PTPRZ1: variants seen among roughly 807,000 people sequenced by gnomAD.
PTPRZ1 encodes the protein receptor-type tyrosine-protein phosphatase zeta.
In PTPRZ1, 82 loss-of-function variants were observed where a neutral mutation model predicts 214.1. The observed-to-expected ratio is 0.38, with a 90% CI of 0.32 to 0.46. PTPRZ1 has a LOEUF of 0.46. Ranked by LOEUF, PTPRZ1 falls within the 20% of genes least tolerant of loss-of-function variation. The probability of loss-of-function intolerance (pLI) is 1.00; values close to 1 mark genes in which losing one functional copy is unlikely to be tolerated. For synonymous variants in PTPRZ1, 945 were observed against 987.9 expected (o/e 0.96, Z 0.81); for missense variants, 2,603 against 2,748.7 (o/e 0.95, Z 1.19).
intron 3 of PTPRZ1, among the ~76,000 whole-genome samples, chr7:121,970,984 G>A (rs932019393): frequency 3.9e-5 from 6 of 152,090 alleles, no homozygotes; most frequent in Non-Finnish European, 7.4e-5. Flanking sequence ...TTTGTATAAG[G>A]TGTAAGGAAG....
At chr7:121,952,298 A>G (rs1796575267) in intron 2 of PTPRZ1, among the ~76,000 whole-genome samples, 1 of 151,926 alleles carries the variant, frequency 6.6e-6, no homozygotes, top group African/African-American at 2.4e-5. Context: ...TTTTTAGCAT[A>G]ATAAAGACTT....
At chr7:121,880,056 G>A (rs533198890) in intron 1 of PTPRZ1, among the ~76,000 whole-genome samples, 1 of 152,110 alleles carries the variant, frequency 6.6e-6, no homozygotes, top group Admixed American at 6.5e-5. Context: ...ATATCATTTG[G>A]GGGTCTTTGT....
At chr7:122,059,302 T>G (rs749850972) in intron 28 of PTPRZ1, 2 of 167,974 alleles carry the variant, frequency 1.2e-5, no homozygotes, top group African/African-American at 2.4e-5. Context: ...ATGATTTTTA[T>G]TTTTCAGGAA....
chr7:121,879,722 T>C (rs190402560), intron 1 of PTPRZ1, among the ~76,000 whole-genome samples: 2 of 152,070 alleles, frequency 1.3e-5, no homozygotes, highest in African/African-American at 2.4e-5. Flanking sequence ...AAGGAGATGA[T>C]CTTTTGTTAG....
rs891128023 is a variant in PTPRZ1, at chr7:121,950,088, T to G, written c.125-17863T>G. 2.6e-5 allele frequency among the ~76,000 whole-genome samples: 4 copies of G among 152,154 alleles called. No individual in the cohort carries two copies. The East Asian group carries it at 7.7e-4, about 29-fold the overall frequency. Reference sequence around the variant, plus strand: ...CCACATGGCTGGGGAAGCCTCACAATTATGGCGGAAGGCAAGGATGACCAA... The same window carrying G: ...CCACATGGCTGGGGAAGCCTCACAAGTATGGCGGAAGGCAAGGATGACCAA... On this transcript the variant is annotated intron_variant, in intron 2 of 29. Coordinates refer to ENST00000393386, the MANE Select transcript of PTPRZ1 (RefSeq NM_002851.3).
chr7:121,921,988 G>C (rs1477600084), intron 1 of PTPRZ1, among the ~76,000 whole-genome samples: 2 of 152,174 alleles, frequency 1.3e-5, no homozygotes, highest in African/African-American at 4.8e-5. Flanking sequence ...TAGGCTGTAT[G>C]ATAATTTAAC....
intron 2 of PTPRZ1, among the ~76,000 whole-genome samples, chr7:121,939,696 A>C (rs1217086845): frequency 1.3e-5 from 2 of 152,236 alleles, no homozygotes; most frequent in African/African-American, 4.8e-5. Context: ...GGATATTATT[A>C]GTTTAATCAA....
Position 122,011,744 on chromosome 7 carries a change from T to C in PTPRZ1, c.2698T>C (p.Tyr900His), listed in dbSNP as rs769331424. Residue 900 changes from tyrosine (Y) to histidine (H), a missense_variant, in exon 12 of 30, where the codon TAT (tyrosine) becomes CAT (histidine). Coordinates refer to ENST00000393386, the MANE Select transcript of PTPRZ1 (RefSeq NM_002851.3). ...ATTTGGTAGTGAATCTGGTGTTCTT[T>C]ATAAAACGCTTATGTTTTCTCAAGT... is the stretch of plus-strand genomic sequence containing the variant. ...LEFGSESGVLYKTLMFSQVEP... is the reference protein window; with the variant it reads ...LEFGSESGVLHKTLMFSQVEP... 1 of 1,614,196 alleles carries C rather than the reference T, an allele frequency of 6.2e-7. No homozygotes were observed. The highest frequency in any genetic ancestry group is 1.6e-4 in the Middle Eastern group (1 of 6,062).
chr7:121,918,798 T>A (rs866320191), intron 1 of PTPRZ1, among the ~76,000 whole-genome samples: 22 of 151,920 alleles, frequency 1.4e-4, no homozygotes, highest in South Asian at 4.1e-4. Flanking sequence ...ATATATGTAC[T>A]ATTTATAAAA....
At chr7:121,897,672 G>A (rs1322361510) in intron 1 of PTPRZ1, among the ~76,000 whole-genome samples, 1 of 152,122 alleles carries the variant, frequency 6.6e-6, no homozygotes, top group Non-Finnish European at 1.5e-5. Context: ...AACCTGACCC[G>A]TGGTCTTCCT....
At chr7:121,984,224 T>C in intron 8 of PTPRZ1, 107 bp downstream of exon 8, 1 of 985,684 alleles carries the variant, frequency 1.0e-6, no homozygotes, top group Non-Finnish European at 1.4e-6. Flanking sequence ...AGAAATGTTT[T>C]AATTATTAAT....
In PTPRZ1 at chr7:121,995,517, G is replaced by T. The variant is rs148788113; in HGVS notation, c.929-865G>T. On this transcript the variant is annotated intron_variant, in intron 8 of 29. Transcript: ENST00000393386. Reference sequence around the variant, plus strand: ...TAAGTGCATTTTGGAAAGTACCAGGGCACTCTCTGATGGGACTAAATTTGG... The same window carrying T: ...TAAGTGCATTTTGGAAAGTACCAGGTCACTCTCTGATGGGACTAAATTTGG... Among the ~76,000 whole-genome samples, 1,151 of 152,220 alleles carry T rather than the reference G, an allele frequency of 7.6e-3. 11 individuals are homozygous for T. The highest frequency in any genetic ancestry group is 0.026 in the African/African-American group (1,067 of 41,530).
rs532399620 is a variant in PTPRZ1, at chr7:122,059,513, A to G, written c.6672-240A>G. 2.6e-4 allele frequency: 101 copies of G among 395,370 alleles called. 1 individual carries two copies. In the South Asian group the frequency reaches 5.3e-3, roughly 21 times the overall value. 24.5% of individuals were successfully genotyped at this position (395,370 alleles called of 1,614,324 possible). On this transcript the variant is annotated intron_variant, in intron 28 of 29. Coordinates refer to ENST00000393386, the MANE Select transcript of PTPRZ1 (RefSeq NM_002851.3). The stretch of plus-strand genomic sequence containing the variant: ...TGCCAACTCCTTTCATAGTATACAA[A>G]TAATAAACCATAAGCAAATACTAAA...
intron 8 of PTPRZ1, 57 bp from the exon 9 acceptor site, chr7:121,996,325 T>G: frequency 8.0e-7 from 1 of 1,246,908 alleles, no homozygotes. Context: ...TATGTTTTAT[T>G]TATTCAAGTC....
intron 1 of PTPRZ1, among the ~76,000 whole-genome samples, chr7:121,916,962 G>C (rs1795446564): frequency 6.6e-6 from 1 of 152,168 alleles, no homozygotes; most frequent in Non-Finnish European, 1.5e-5. Flanking sequence ...TGAGATGTTA[G>C]GCAAAGAGTA....
intron 2 of PTPRZ1, among the ~76,000 whole-genome samples, chr7:121,939,863 G>A (rs1796192351): frequency 6.6e-6 from 1 of 151,998 alleles, no homozygotes; most frequent in Non-Finnish European, 1.5e-5. Flanking sequence ...GTTAATGTAA[G>A]GTACGGAACC....
intron 1 of PTPRZ1, among the ~76,000 whole-genome samples, chr7:121,897,578 C>T (rs1375729019): frequency 6.6e-6 from 1 of 152,184 alleles, no homozygotes; most frequent in Admixed American, 6.5e-5. Context: ...CTCTCTGTCA[C>T]TGCCCATCTT....
At chr7:121,918,185 C>T (rs975021021) in intron 1 of PTPRZ1, among the ~76,000 whole-genome samples, 6 of 152,132 alleles carry the variant, frequency 3.9e-5, no homozygotes, top group Admixed American at 6.6e-5. Flanking sequence ...TAACATGACC[C>T]GCACCTATTT....
At chr7:121,932,464 G>C (rs1272772548) in intron 2 of PTPRZ1, among the ~76,000 whole-genome samples, 1 of 152,088 alleles carries the variant, frequency 6.6e-6, no homozygotes, top group Non-Finnish European at 1.5e-5. Context: ...TGAGGAAATT[G>C]GACTTGACCA....
Sources: allele counts gnomAD v4.1 joint callset (sites outside exome capture counted in the v4.1 genomes callset), GRCh38; gene constraint gnomAD v4.1.1; transcripts MANE v1.5; gene names NCBI Gene and HGNC (gene_info 2026-07-23, HGNC 2026-07-21).